Variants in NTRK2 observed in about 807,000 individuals in gnomAD.
NTRK2 encodes the protein neurotrophic receptor tyrosine kinase 2, also known as BDNF/NT-3 growth factors receptor.
A neutral mutation model predicts 94.5 loss-of-function variants in NTRK2; 13 were observed. The observed-to-expected ratio is 0.14, with a 90% CI of 0.09 to 0.22. The LOEUF is 0.22. Among genes scored for constraint, NTRK2 ranks in the 10% least tolerant of loss-of-function variants. The pLI is 1.00. For missense variants in NTRK2, 639 were observed against 1,071.2 expected (o/e 0.60, Z 5.63); for synonymous variants, 372 against 407.4 (o/e 0.91, Z 1.05).
At chr9:84,803,577 A>G (rs2070754657) in intron 12 of NTRK2, among the ~76,000 whole-genome samples, 2 of 152,156 alleles carry the variant, frequency 1.3e-5, no homozygotes, top group African/African-American at 4.8e-5. Flanking sequence ...GGGGATGACC[A>G]CTTGAACTAG....
At chr9:84,995,189 G>A (rs1829588769) in intron 17 of NTRK2, among the ~76,000 whole-genome samples, 1 of 152,160 alleles carries the variant, frequency 6.6e-6, no homozygotes. Context: ...ATCCAGTCCT[G>A]GGTCTACTGC....
intron 11 of NTRK2, among the ~76,000 whole-genome samples, chr9:84,745,914 G>A (rs1162488824): frequency 6.6e-6 from 1 of 152,166 alleles, no homozygotes; most frequent in Admixed American, 6.5e-5. Context: ...CATGATCCCA[G>A]GGGTCTATGG....
At chr9:84,688,666 A>G (rs1380634352) in intron 2 of NTRK2, among the ~76,000 whole-genome samples, 5 of 152,178 alleles carry the variant, frequency 3.3e-5, no homozygotes, top group Admixed American at 6.5e-5. Context: ...TTCTGGGTCT[A>G]AATGTAATGT....
At chr9:84,705,782 C>CTTTTTT (rs36124860) in intron 4 of NTRK2, among the ~76,000 whole-genome samples, 3 of 109,614 alleles carry the variant, frequency 2.7e-5, no homozygotes, top group African/African-American at 7.0e-5. Flanking sequence ...GAAACCCATT[C>CTTTTTT]TTTTTTTTTT....
chr9:84,868,000 A>G (rs139592767), intron 14 of NTRK2, among the ~76,000 whole-genome samples: 5 of 152,248 alleles, frequency 3.3e-5, no homozygotes, highest in Admixed American at 2.6e-4. Context: ...ACTTACTTTC[A>G]TTTTTCAAAA....
At position 85,025,024 on chromosome 9, in the gene NTRK2, C is replaced by T. The variant is rs578024473; in HGVS notation, c.*3587C>T. ...AATAGAGGTAATTATAAGTAGGATG[C>T]GGTATGAATAATTTGCTTAAAATAT... On this transcript the variant is annotated 3_prime_UTR_variant, in exon 19 of 19. Coordinates refer to ENST00000277120, the MANE Select transcript of NTRK2 (RefSeq NM_006180.6). The T allele has an allele frequency of 9.9e-5, 23 of 232,904 alleles. No individual in the cohort carries two copies. Among genetic ancestry groups the T allele is most frequent in the African/African-American group, 2.6e-4 (12 of 45,418 alleles). 14.4% of individuals were successfully genotyped at this position (232,904 alleles called of 1,614,324 possible). A position where few individuals can be genotyped will look rare whatever the true frequency, so the allele number is the denominator to read the frequency against.
In NTRK2 at chr9:85,008,906, G is replaced by C. The variant is rs567817722; in HGVS notation, c.2173-11300G>C. Among the ~76,000 whole-genome samples, 25 of 152,306 alleles carry C rather than the reference G, an allele frequency of 1.6e-4. 1 individual carries two copies. In the South Asian group the frequency reaches 4.8e-3, roughly 29 times the overall value. ...CCCAGCCATAGGGCTGTTCTCCAAGGGAAACATCACCTCTTCAGAACTTTT... is the reference window on the plus strand; with the variant it reads ...CCCAGCCATAGGGCTGTTCTCCAAGCGAAACATCACCTCTTCAGAACTTTT... On this transcript the variant is annotated intron_variant, in intron 17 of 18. Transcript: ENST00000277120.
intron 17 of NTRK2, among the ~76,000 whole-genome samples, chr9:84,977,178 A>T (rs2133194546): frequency 6.6e-6 from 1 of 152,356 alleles, no homozygotes; most frequent in African/African-American, 2.4e-5. Context: ...GTTTAAATAC[A>T]TCTTATTTAG....
chr9:84,870,351 AT>A (rs2075812002), intron 14 of NTRK2, among the ~76,000 whole-genome samples: 1 of 123,762 alleles, frequency 8.1e-6, no homozygotes, highest in East Asian at 2.4e-4. Flanking sequence ...ATATATATAT[AT>A]ATATATATAT....
intron 12 of NTRK2, among the ~76,000 whole-genome samples, chr9:84,756,694 A>G (rs532437059): frequency 6.6e-6 from 1 of 152,352 alleles, no homozygotes; most frequent in East Asian, 1.9e-4. Flanking sequence ...CTTCTCATTC[A>G]GTGCTAATAG....
At position 84,745,794 on chromosome 9, in the gene NTRK2, C is replaced by T. The variant is rs192198231; in HGVS notation, c.1296+721C>T. ...GCTTGATTGGAGGGTAAGGCATGTG[C>T]AGGACAGCAGGGTTGGAGATAAAGA... On this transcript the variant is annotated intron_variant, in intron 11 of 18. Transcript: ENST00000277120. 1.9e-4 allele frequency among the ~76,000 whole-genome samples: 29 copies of T among 152,202 alleles called. No homozygotes were observed. In the East Asian group the frequency reaches 5.6e-3, roughly 29 times the overall value.
At chr9:84,895,147 A>C (rs2076721893) in intron 14 of NTRK2, among the ~76,000 whole-genome samples, 1 of 152,250 alleles carries the variant, frequency 6.6e-6, no homozygotes, top group African/African-American at 2.4e-5. Context: ...ACTCTTAAAA[A>C]GTCTTTTAAA....
intron 12 of NTRK2, chr9:84,811,871 G>T: frequency 9.4e-7 from 1 of 1,064,594 alleles, no homozygotes; most frequent in Non-Finnish European, 1.1e-6. Context: ...TCTGTGTCAG[G>T]CAGTATGCTT....
intron 17 of NTRK2, among the ~76,000 whole-genome samples, chr9:84,995,078 AGTCC>A (rs1829577331): frequency 6.6e-6 from 1 of 152,194 alleles, no homozygotes; most frequent in South Asian, 2.1e-4. Flanking sequence ...ATTCCATGTG[AGTCC>A]TTAGAAACAG....
chr9:84,710,182 G>T (rs1172450079), intron 5 of NTRK2, among the ~76,000 whole-genome samples: 1 of 152,188 alleles, frequency 6.6e-6, no homozygotes, highest in African/African-American at 2.4e-5. Context: ...AGATGAAATT[G>T]TTCTGCCCCC....
intron 2 of NTRK2, among the ~76,000 whole-genome samples, chr9:84,696,581 G>A (rs1290323430): frequency 1.3e-5 from 2 of 152,342 alleles, no homozygotes; most frequent in East Asian, 3.9e-4. Context: ...ACGGAGATCA[G>A]TGAGATGAGA....
At chr9:84,764,357 T>A (rs2065849648) in intron 12 of NTRK2, among the ~76,000 whole-genome samples, 1 of 152,214 alleles carries the variant, frequency 6.6e-6, no homozygotes, top group Non-Finnish European at 1.5e-5. Context: ...GTTGCAGAGG[T>A]GTTTTTCTAA....
In NTRK2 at chr9:84,892,710, C is replaced by T. The variant is rs148550363; in HGVS notation, c.1633+25279C>T. Among the ~76,000 whole-genome samples, 483 of 152,308 alleles carry T rather than the reference C, an allele frequency of 3.2e-3. 12 individuals are homozygous for T. Among genetic ancestry groups the T allele is most frequent in the South Asian group, 0.014 (68 of 4,830 alleles). On this transcript the variant is annotated intron_variant, in intron 14 of 18. Coordinates refer to ENST00000277120, the MANE Select transcript of NTRK2 (RefSeq NM_006180.6). ...CCAAGGCAGGTGGAACACCTGAGGT[C>T]CGGAGTTCAGGACCAGCCTGGCCAA... is the stretch of plus-strand genomic sequence containing the variant.
chr9:84,865,786 G>A (rs1164562751), intron 13 of NTRK2, among the ~76,000 whole-genome samples: 1 of 152,082 alleles, frequency 6.6e-6, no homozygotes, highest in Non-Finnish European at 1.5e-5. Flanking sequence ...GCCAGTAGTC[G>A]GGTCAGTGGT....
Sources: gnomAD v4.1 joint callset for allele counts (sites outside exome capture counted in the v4.1 genomes callset) on GRCh38, gnomAD v4.1.1 for gene constraint, MANE v1.5 for transcripts, NCBI Gene and HGNC (gene_info 2026-07-23, HGNC 2026-07-21) for gene names.